Variants in ADD1 observed in about 807,000 individuals in gnomAD.
ADD1 encodes the protein adducin 1.
In ADD1, 24 loss-of-function variants were observed where a neutral mutation model predicts 80.5. The ratio of observed to expected loss-of-function variants is 0.30; its 90% confidence interval spans 0.22 to 0.42. ADD1 has a LOEUF of 0.42. Among genes scored for constraint, ADD1 ranks in the 10% least tolerant of loss-of-function variants. The pLI is 1.00. For synonymous variants in ADD1, 373 were observed against 393.8 expected, an observed-to-expected ratio of 0.95 and a Z score of 0.63; for missense variants, 948 against 1,019.0, an observed-to-expected ratio of 0.93 and a Z score of 0.95.
intron 1 of ADD1, among the ~76,000 whole-genome samples, chr4:2,863,093 A>C (rs1195791061): frequency 6.6e-6 from 1 of 152,104 alleles, no homozygotes; most frequent in Non-Finnish European, 1.5e-5. Flanking sequence ...TCTGTCACCC[A>C]GGCTAGAGTG....
intron 2 of ADD1, among the ~76,000 whole-genome samples, chr4:2,878,332 G>T (rs886598672): frequency 2.0e-5 from 3 of 152,190 alleles, no homozygotes; most frequent in African/African-American, 7.2e-5. Flanking sequence ...TGGCGTAGTA[G>T]AGGTAGGAAG....
chr4:2,861,570 T>G (rs1461270602), intron 1 of ADD1, among the ~76,000 whole-genome samples: 1 of 152,028 alleles, frequency 6.6e-6, no homozygotes, highest in Admixed American at 6.6e-5. Flanking sequence ...CAGGGAAGAG[T>G]TTAGGGCTAG....
At chr4:2,889,634 C>T (rs919754221) in intron 4 of ADD1, among the ~76,000 whole-genome samples, 1 of 151,786 alleles carries the variant, frequency 6.6e-6, no homozygotes, top group Admixed American at 6.6e-5. Flanking sequence ...CCAGCCTGAC[C>T]AACATGATGA....
intron 11 of ADD1, 137 bp downstream of exon 11, chr4:2,907,981 T>C (rs931490957): frequency 7.2e-6 from 5 of 691,002 alleles, no homozygotes; most frequent in Non-Finnish European, 1.3e-5. Context: ...AAGCCATCTC[T>C]TCACACCGCT....
chr4:2,921,282 C>T lies in ADD1; in HGVS notation c.1949-4732C>T, dbSNP rs190003087. On this transcript the variant is annotated intron_variant, in intron 14 of 15. Coordinates refer to ENST00000683351, the MANE Select transcript of ADD1 (RefSeq NM_001354761.2). Reference sequence around the variant, plus strand: ...AGCTGGGACTACAGGTGCACGCCAGCATGCCCAGCTAATTTTTTTGTATTT... The same window carrying T: ...AGCTGGGACTACAGGTGCACGCCAGTATGCCCAGCTAATTTTTTTGTATTT... Among the ~76,000 whole-genome samples the T allele has an allele frequency of 7.6e-3, 1,157 of 152,258 alleles. 23 individuals carry two copies. Among genetic ancestry groups the T allele is most frequent in the Non-Finnish European group, 0.013 (859 of 68,020 alleles).
At chr4:2,900,285 T>G (rs1735959606) in intron 9 of ADD1, 1 of 152,498 alleles carries the variant, frequency 6.6e-6, no homozygotes, top group Admixed American at 6.5e-5. Context: ...AGAGCTGTAT[T>G]AGAACACTGC....
chr4:2,911,040 C>T (rs761161523), intron 13 of ADD1, among the ~76,000 whole-genome samples: 1 of 152,144 alleles, frequency 6.6e-6, no homozygotes, highest in Non-Finnish European at 1.5e-5. Flanking sequence ...GGCAATTGTT[C>T]CACTTCCTTT....
At chr4:2,919,957 CT>C (rs1417073319) in intron 14 of ADD1, among the ~76,000 whole-genome samples, 1 of 152,190 alleles carries the variant, frequency 6.6e-6, no homozygotes, top group Non-Finnish European at 1.5e-5. Flanking sequence ...ATCTTTCCCT[CT>C]TTCTCCTGTG....
chr4:2,909,228 T>C, intron 12 of ADD1, 111 bp from the exon 13 acceptor site: 1 of 874,504 alleles, frequency 1.1e-6, no homozygotes. Context: ...CCACACTTAC[T>C]GTTGACAGCT....
intron 1 of ADD1, among the ~76,000 whole-genome samples, chr4:2,869,319 G>A (rs1302964246): frequency 6.6e-6 from 1 of 152,116 alleles, no homozygotes; most frequent in African/African-American, 2.4e-5. Flanking sequence ...CTCGGTAGTC[G>A]GCAGTCCTTG....
rs1477437570 is a variant in ADD1 at position 2,922,150 on chromosome 4, TCATTCTCTGTC to T, written c.1949-3861_1949-3851del. On this transcript the variant is annotated intron_variant, in intron 14 of 15. Transcript: ENST00000683351. ...GTCTACTTCTGTCAGTTCATCAAAC[TCATTCTCTGTC>T]CAGTTTTGTTCCCTTGCTGGTGAGG... Among the ~76,000 whole-genome samples the T allele has an allele frequency of 7.9e-5, 12 of 152,308 alleles. No homozygotes were observed. The East Asian group carries it at 2.3e-3, about 29-fold the overall frequency.
intron 15 of ADD1, among the ~76,000 whole-genome samples, chr4:2,927,687 T>C (rs1712063952): frequency 6.6e-6 from 1 of 152,244 alleles, no homozygotes; most frequent in African/African-American, 2.4e-5. Flanking sequence ...CTTTTGGATG[T>C]TGACGTCACA....
rs746215398 is a variant in ADD1, at chr4:2,894,596, A to G, written c.606A>G (p.Leu202=). ...TTTATTTTCAGGTTAAGATCAATCT[A>G]CAAGGAGATATAGTAGATCGTGGAA... ...VTASSLVKIN[L]QGDIVDRGST... is the part of the protein sequence containing the mutation. The change falls in exon 6 of 16, where the codon CTA becomes CTG. Residue 202 remains leucine, a synonymous_variant. Coordinates refer to ENST00000683351, the MANE Select transcript of ADD1 (RefSeq NM_001354761.2). 3 of 1,605,776 alleles carry G rather than the reference A, an allele frequency of 1.9e-6. No individual in the cohort carries two copies. In the African/African-American group the frequency reaches 4.0e-5, roughly 22 times the overall value.
In ADD1 at chr4:2,856,409, A is replaced by G. The variant is rs112819415; in HGVS notation, c.-21+12385A>G. Among the ~76,000 whole-genome samples the G allele has an allele frequency of 9.0e-3, 1,362 of 151,992 alleles. 17 individuals carry two copies. Among genetic ancestry groups the G allele is most frequent in the African/African-American group, 0.031 (1,292 of 41,452 alleles). On this transcript the variant is annotated intron_variant, in intron 1 of 15. Coordinates refer to ENST00000683351, the MANE Select transcript of ADD1 (RefSeq NM_001354761.2). ...TCTTTTCTTTATTTTGGCCTTGGCT[A>G]TTCTGCATATTCATTACAATGTGTG...
At chr4:2,874,015 G>GC (rs1730853912) in intron 1 of ADD1, among the ~76,000 whole-genome samples, 1 of 151,896 alleles carries the variant, frequency 6.6e-6, no homozygotes, top group African/African-American at 2.4e-5. Context: ...TTTGAGACCA[G>GC]CCCGGGCAAC....
chr4:2,870,197 A>G (rs1299759335), intron 1 of ADD1, among the ~76,000 whole-genome samples: 1 of 152,252 alleles, frequency 6.6e-6, no homozygotes, highest in Non-Finnish European at 1.5e-5. Flanking sequence ...CTCATTATAT[A>G]TTTGAGAGAA....
At chr4:2,908,868 A>G in intron 12 of ADD1, 1 of 519,614 alleles carries the variant, frequency 1.9e-6, no homozygotes, top group South Asian at 2.2e-5. Flanking sequence ...ATACACCACC[A>G]GCTTTGGGGC....
At chr4:2,885,834 T>G (rs535690651) in intron 4 of ADD1, among the ~76,000 whole-genome samples, 48 of 152,136 alleles carry the variant, frequency 3.2e-4, no homozygotes, top group Admixed American at 2.0e-3. Context: ...ATGGTCTCGA[T>G]CTCCTGACCT....
chr4:2,873,582 A>C (rs1231104495), intron 1 of ADD1, among the ~76,000 whole-genome samples: 1 of 152,244 alleles, frequency 6.6e-6, no homozygotes, highest in Admixed American at 6.5e-5. Flanking sequence ...TGATGGTTTT[A>C]CAAAGATTCC....
Sources: gnomAD v4.1 joint callset for allele counts (sites outside exome capture counted in the v4.1 genomes callset) on GRCh38, gnomAD v4.1.1 for gene constraint, MANE v1.5 for transcripts, NCBI Gene and HGNC (gene_info 2026-07-23, HGNC 2026-07-21) for gene names.